Variants in ATP9B observed in about 807,000 individuals in gnomAD.
The protein encoded by ATP9B is probable phospholipid-transporting ATPase IIB.
In ATP9B, 110 loss-of-function variants were observed where a neutral mutation model predicts 146.1. That is an observed-to-expected ratio of 0.75 (90% CI 0.65 to 0.88). ATP9B has a LOEUF of 0.88. Ranked by LOEUF, ATP9B falls within the 40% of genes least tolerant of loss-of-function variation. The pLI, the probability that ATP9B is intolerant of heterozygous loss-of-function variation, is 0.00. For synonymous variants in ATP9B, 604 were observed against 569.7 expected (o/e 1.06, Z -0.86); for missense variants, 1,499 against 1,496.4 (o/e 1.00, Z -0.03).
At chr18:79,071,049 C>CTTTTTTCTTTTTTTTTTTTTT (rs1555723402) in intron 1 of ATP9B, among the ~76,000 whole-genome samples, 3 of 112,372 alleles carry the variant, frequency 2.7e-5, no homozygotes, top group Non-Finnish European at 3.6e-5. Flanking sequence ...ATTCCTGTTT[C>CTTTTTTCTTTTTTTTTTTTTT]TTTTTTTTTT....
intron 15 of ATP9B, among the ~76,000 whole-genome samples, chr18:79,318,318 G>T (rs1041455258): frequency 3.3e-5 from 5 of 152,224 alleles, no homozygotes; most frequent in African/African-American, 1.2e-4. Flanking sequence ...GTGAAAAGTC[G>T]TGTTGCTAGA....
At chr18:79,366,961 A>G (rs543303246) in intron 26 of ATP9B, among the ~76,000 whole-genome samples, 1 of 152,374 alleles carries the variant, frequency 6.6e-6, no homozygotes, top group East Asian at 1.9e-4. Flanking sequence ...ACAGCAACCT[A>G]GACAGCAGCA....
At chr18:79,251,105 T>C (rs1380409037) in intron 11 of ATP9B, among the ~76,000 whole-genome samples, 1 of 152,258 alleles carries the variant, frequency 6.6e-6, no homozygotes, top group Non-Finnish European at 1.5e-5. Flanking sequence ...ATCAAGTCAC[T>C]ATTTCATATA....
chr18:79,130,276 G>A (rs2094355391), intron 5 of ATP9B, among the ~76,000 whole-genome samples: 1 of 152,164 alleles, frequency 6.6e-6, no homozygotes, highest in African/African-American at 2.4e-5. Flanking sequence ...TCTAAAGGAA[G>A]CAAACAAATT....
chr18:79,319,793 A>G (rs1185515123), intron 15 of ATP9B, among the ~76,000 whole-genome samples: 5 of 152,248 alleles, frequency 3.3e-5, no homozygotes, highest in African/African-American at 1.2e-4. Context: ...AAATAAATCT[A>G]AAATAAAGTC....
Position 79,253,512 on chromosome 18 carries a change from T to C in ATP9B, c.1239T>C (p.Leu413=), listed in dbSNP as rs145856158. 288 of 1,603,012 alleles carry C rather than the reference T, an allele frequency of 1.8e-4. No homozygotes were observed. The highest frequency in any genetic ancestry group is 2.1e-4 in the Non-Finnish European group (243 of 1,176,948). Reference sequence around the variant, plus strand: ...GGTACCGCAATCTTTTTCGGTTCCTTCTCCTCTTTTCTTACATCATTCCCA... The same window carrying C: ...GGTACCGCAATCTTTTTCGGTTCCTCCTCCTCTTTTCTTACATCATTCCCA... ...GPWYRNLFRF[L]LLFSYIIPIS... The change falls in exon 12 of 30, where the codon CTT becomes CTC. Residue 413 remains leucine, a synonymous_variant. Transcript: ENST00000426216.
At chr18:79,323,260 CCT>C (rs1225620941) in intron 15 of ATP9B, among the ~76,000 whole-genome samples, 1 of 152,026 alleles carries the variant, frequency 6.6e-6, no homozygotes, top group African/African-American at 2.4e-5. Flanking sequence ...TGTTAGTAAT[CCT>C]CTGTTTATCG....
intron 5 of ATP9B, among the ~76,000 whole-genome samples, chr18:79,141,255 C>T (rs1425829636): frequency 1.3e-5 from 2 of 152,090 alleles, no homozygotes; most frequent in Non-Finnish European, 2.9e-5. Flanking sequence ...TGAAGAAGGA[C>T]GTGTTTGCTT....
chr18:79,200,750 T>TGGGAACTGTCGGGGTCAGC (rs2095470870), intron 9 of ATP9B, among the ~76,000 whole-genome samples: 2 of 73,882 alleles, frequency 2.7e-5, no homozygotes, highest in African/African-American at 1.2e-4. Flanking sequence ...AGAGCAGAGG[T>TGGGAACTGTCGGGGTCAGC]GGAGGTGGGA....
rs374842659 is a variant in ATP9B, at chr18:79,346,330, A to G, written c.2682+491A>G. Among the ~76,000 whole-genome samples, 4 of 150,150 alleles carry G rather than the reference A, an allele frequency of 2.7e-5. No individual in the cohort carries two copies. The East Asian group carries it at 6.0e-4, about 23-fold the overall frequency. ...GGCACACTCGTTTAGCACACTACAC[A>G]TGCTCAGCACACGGTCAGTGCACGT... On this transcript the variant is annotated intron_variant, in intron 23 of 29. Coordinates refer to ENST00000426216, the MANE Select transcript of ATP9B (RefSeq NM_198531.5).
At chr18:79,233,293 A>T (rs2095809248) in intron 11 of ATP9B, among the ~76,000 whole-genome samples, 1 of 152,182 alleles carries the variant, frequency 6.6e-6, no homozygotes, top group Non-Finnish European at 1.5e-5. Flanking sequence ...TCTCAAGAAA[A>T]AAAAAAGATA....
intron 4 of ATP9B, among the ~76,000 whole-genome samples, chr18:79,114,013 G>A (rs2094018843): frequency 6.6e-6 from 1 of 152,086 alleles, no homozygotes; most frequent in African/African-American, 2.4e-5. Context: ...GTCTCACCCT[G>A]TCACTGGAGT....
chr18:79,167,878 C>T (rs1353838417), intron 7 of ATP9B, among the ~76,000 whole-genome samples: 2 of 150,380 alleles, frequency 1.3e-5, no homozygotes, highest in African/African-American at 5.0e-5. Context: ...CCACCATCAA[C>T]ATGCCATGTA....
Position 79,137,201 on chromosome 18 carries a change from A to G in ATP9B, c.668-6601A>G, listed in dbSNP as rs544778084. On this transcript the variant is annotated intron_variant, in intron 5 of 29. Coordinates refer to ENST00000426216, the MANE Select transcript of ATP9B (RefSeq NM_198531.5). ...CTCTCACTTTCTGGTCTGGGAATAC[A>G]GTTTTCATAGCTGTTTTCATGTCCG... Among the ~76,000 whole-genome samples the G allele has an allele frequency of 2.6e-5, 4 of 152,252 alleles. No individual in the cohort carries two copies. The South Asian group carries it at 6.2e-4, about 24-fold the overall frequency.
intron 26 of ATP9B, among the ~76,000 whole-genome samples, chr18:79,368,477 C>G (rs2097048780): frequency 6.6e-6 from 1 of 152,232 alleles, no homozygotes; most frequent in South Asian, 2.1e-4. Flanking sequence ...GCGCCTGGCC[C>G]TGGCCCAGTT....
intron 4 of ATP9B, among the ~76,000 whole-genome samples, chr18:79,125,496 A>G (rs2094268678): frequency 6.6e-6 from 1 of 152,202 alleles, no homozygotes; most frequent in Non-Finnish European, 1.5e-5. Context: ...AAAAAAGATT[A>G]TTGTGCTTTC....
At chr18:79,210,985 A>G (rs2095579244) in intron 10 of ATP9B, among the ~76,000 whole-genome samples, 1 of 152,172 alleles carries the variant, frequency 6.6e-6, no homozygotes, top group African/African-American at 2.4e-5. Context: ...TAGGTTTTAT[A>G]TTTTGTGTTT....
At chr18:79,335,005 G>A (rs553069879) in intron 17 of ATP9B, among the ~76,000 whole-genome samples, 2 of 150,350 alleles carry the variant, frequency 1.3e-5, no homozygotes, top group East Asian at 1.9e-4. Flanking sequence ...TCCTGTGGCC[G>A]CATGAGGCCT....
rs1568778082 is a variant in ATP9B, at chr18:79,347,752, C to CGT, written c.2683-14_2683-13dup. ...GCGTCCGCCATGTTTGAAAAGGCCC[C>CGT]GTGTGCTTTTCTCTCAGGAGGGTAA... On this transcript the variant is annotated splice_polypyrimidine_tract_variant and intron_variant, in intron 23 of 29. Coordinates refer to ENST00000426216, the MANE Select transcript of ATP9B (RefSeq NM_198531.5). The CGT allele has an allele frequency of 6.6e-7, 1 of 1,524,988 alleles. No individual in the cohort carries two copies. 94.5% of individuals were successfully genotyped at this position (1,524,988 alleles called of 1,614,324 possible).
Sources: gnomAD v4.1 joint callset for allele counts (sites outside exome capture counted in the v4.1 genomes callset) on GRCh38, gnomAD v4.1.1 for gene constraint, MANE v1.5 for transcripts, NCBI Gene and HGNC (gene_info 2026-07-23, HGNC 2026-07-21) for gene names.